TP53BP2: variants seen among roughly 807,000 people sequenced by gnomAD.
TP53BP2 encodes apoptosis-stimulating of p53 protein 2.
In TP53BP2, 62 loss-of-function variants were observed where a neutral mutation model predicts 126.2. The ratio of observed to expected loss-of-function variants is 0.49; its 90% CI spans 0.40 to 0.61. The LOEUF is 0.61. TP53BP2 is among the 20% of genes least tolerant of loss of function. The pLI, the probability that TP53BP2 is intolerant of heterozygous loss-of-function variation, is 0.00. For missense variants in TP53BP2, 1,215 were observed against 1,402.8 expected (o/e 0.87, Z 2.14); for synonymous variants, 485 against 502.9 (o/e 0.96, Z 0.48).
intron 2 of TP53BP2, among the ~76,000 whole-genome samples, chr1:223,814,792 G>C (rs901971362): frequency 2.6e-5 from 4 of 151,328 alleles, no homozygotes; most frequent in African/African-American, 9.7e-5. Flanking sequence ...TTTAATTGTA[G>C]TTTTCAATAC....
At chr1:223,831,048 A>C (rs1663685942) in intron 1 of TP53BP2, among the ~76,000 whole-genome samples, 1 of 151,968 alleles carries the variant, frequency 6.6e-6, no homozygotes, top group Admixed American at 6.6e-5. Flanking sequence ...CAGTGAGCCG[A>C]GATCGCGCCA....
intron 16 of TP53BP2, among the ~76,000 whole-genome samples, chr1:223,787,597 T>A (rs956984762): frequency 2.0e-5 from 3 of 151,282 alleles, no homozygotes; most frequent in Non-Finnish European, 4.4e-5. Context: ...ATTTAAAAGG[T>A]CAGGCATGGT....
intron 12 of TP53BP2, 83 bp downstream of exon 12, chr1:223,798,132 A>C (rs894939308): frequency 1.1e-4 from 138 of 1,283,522 alleles, no homozygotes; most frequent in Non-Finnish European, 1.4e-4. Flanking sequence ...AATAGGGATT[A>C]GTTATTTTGC....
Position 223,798,215 on chromosome 1 carries a change from CACTTGAAA to C in TP53BP2, c.1940_1947del (p.Phe647CysfsTer4). On this transcript the variant is annotated frameshift_variant and splice_region_variant, in exon 12 of 18. Transcript: ENST00000343537. LOFTEE classifies it high-confidence loss of function. ...CACCTATGAACGTTAAGAACCTTAC[CACTTGAAA>C]AGTGTGGCCCTCTGGTATGAGTCTT... 1 of 1,610,474 alleles carries C rather than the reference CACTTGAAA, an allele frequency of 6.2e-7. No homozygotes were observed. Among genetic ancestry groups the C allele is most frequent in the Non-Finnish European group, 8.5e-7 (1 of 1,177,890 alleles).
At chr1:223,840,866 G>T (rs1387423179) in intron 1 of TP53BP2, among the ~76,000 whole-genome samples, 1 of 152,166 alleles carries the variant, frequency 6.6e-6, no homozygotes, top group Non-Finnish European at 1.5e-5. Flanking sequence ...TCTAAATCTG[G>T]TTTCTCTGAA....
intron 1 of TP53BP2, 189 bp from the exon 2 acceptor site, chr1:223,821,556 C>G (rs1445025909): frequency 2.6e-6 from 2 of 765,076 alleles, no homozygotes; most frequent in East Asian, 2.5e-5. Flanking sequence ...CAGCCCCTAC[C>G]ATGGGGCAGT....
Position 223,802,851 on chromosome 1 carries a change from T to C in TP53BP2, c.876A>G (p.Gln292=). 1.2e-6 allele frequency: 2 copies of C among 1,614,182 alleles called. No homozygotes were observed. The highest frequency in any genetic ancestry group is 1.1e-5 in the South Asian group (1 of 91,086). Residue 292 remains glutamine, a synonymous_variant, in exon 8 of 18, where the codon CAA becomes CAG. Transcript: ENST00000343537. ...LNQEQNAKLQ[Q]QRECLNKRNS... is the part of the protein sequence containing the mutation. ...TACGCTTATTCAAACACTCCCTCTG[T>C]TGTTGTAGCTTGGCATTCTGCTCTT...
chr1:223,784,477 G>T (rs183658261), intron 16 of TP53BP2, among the ~76,000 whole-genome samples, 163 bp from the exon 17 acceptor site: 4 of 152,248 alleles, frequency 2.6e-5, no homozygotes, highest in African/African-American at 9.6e-5. Context: ...GGGGTAGCAT[G>T]CAGTGGAAGG....
At chr1:223,822,177 G>T (rs989780281) in intron 1 of TP53BP2, among the ~76,000 whole-genome samples, 2 of 151,874 alleles carry the variant, frequency 1.3e-5, no homozygotes, top group African/African-American at 2.4e-5. Context: ...GCCTCCCAAA[G>T]TGCTGGGATT....
At position 223,804,276 on chromosome 1, in the gene TP53BP2, T is replaced by C. The variant is rs1662637413; in HGVS notation, c.547A>G (p.Lys183Glu). The C allele has an allele frequency of 6.2e-7, 1 of 1,614,208 alleles. No individual in the cohort carries two copies. Among genetic ancestry groups the C allele is most frequent in the Non-Finnish European group, 8.5e-7 (1 of 1,180,036 alleles). ...TTCTCAGCTATTTCTTTTAGCCTTT[T>C]AAGTTTCTCCTGCTCAGCAACTTGT... ...QQQVAEQEKL[K>E]RLKEIAENQE... The change falls in exon 6 of 18, where the codon AAA becomes GAA. Residue 183 changes from lysine (K) to glutamate (E), a missense_variant. Physicochemically the swap from Lys to Glu is moderately conservative, Grantham distance 56. Around this residue, in one of 4 missense-constraint regions of TP53BP2, gnomAD observed 814 missense variants for 853.0 expected, o/e 0.95. Transcript: ENST00000343537.
At position 223,803,291 on chromosome 1, in the gene TP53BP2, G is replaced by A. The variant is rs751721084; in HGVS notation, c.811C>T (p.Arg271Cys). 28 of 1,612,034 alleles carry A rather than the reference G, an allele frequency of 1.7e-5. No individual in the cohort carries two copies. The highest frequency in any genetic ancestry group is 6.7e-5 in the Admixed American group (4 of 59,802). ...DNQSAVAELD[R>C]LYKELQLRNK... Reference sequence around the variant, plus strand: ...TCTACCTGCAGCTCCTTATAGAGGCGATCAAGCTCAGCCACTGCAGACTGA... The same window carrying A: ...TCTACCTGCAGCTCCTTATAGAGGCAATCAAGCTCAGCCACTGCAGACTGA... Residue 271 changes from arginine to cysteine, a missense_variant, in exon 7 of 18, where the codon CGC (arginine) becomes TGC (cysteine). By Grantham distance (180) the Arg-to-Cys change is radical (BLOSUM62 -3). Around this residue, in one of 4 missense-constraint regions of TP53BP2, gnomAD observed 814 missense variants for 853.0 expected, o/e 0.95. Coordinates refer to ENST00000343537, the MANE Select transcript of TP53BP2 (RefSeq NM_001031685.3).
At chr1:223,810,325 G>A (rs1662868403) in intron 4 of TP53BP2, 106 bp downstream of exon 4, 22 of 701,956 alleles carry the variant, frequency 3.1e-5, no homozygotes, top group Non-Finnish European at 3.9e-5. Context: ...TTTAAAAAGC[G>A]GCCATCCTTA....
In TP53BP2 at chr1:223,814,281, C is replaced by A. The variant is rs765308464; in HGVS notation, c.248G>T (p.Arg83Leu). ...QRFGSQRNEV[R>L]FFLRHERPPG... is the part of the protein sequence containing the mutation. ...GGGGCGTTCATGACGAAGGAAGAAG[C>A]GAACTTCGTTCCTCTGACTTCCAAA... The change falls in exon 3 of 18, where the codon CGC becomes CTC. Residue 83 changes from arginine to leucine, a missense_variant. Arg to Leu is a moderately radical substitution (Grantham distance 102). Transcript: ENST00000343537. The A allele has an allele frequency of 3.7e-6, 6 of 1,613,884 alleles. No homozygotes were observed. Among genetic ancestry groups the A allele is most frequent in the Non-Finnish European group, 5.1e-6 (6 of 1,179,790 alleles).
chr1:223,802,302 G>C lies in TP53BP2; in HGVS notation c.1039C>G (p.Pro347Ala), dbSNP rs199623135. Reference protein sequence around the residue: ...GNLPQQAASAPSRVAAVGPYI... With the variant: ...GNLPQQAASAASRVAAVGPYI... ...GGACCTACTGCAGCCACACGGCTTGGGGCTGACGCGGCTTGCTGGGGAAGA... is the reference window on the plus strand; with the variant it reads ...GGACCTACTGCAGCCACACGGCTTGCGGCTGACGCGGCTTGCTGGGGAAGA... The change falls in exon 9 of 18, where the codon CCA becomes GCA. Residue 347 changes from proline (P) to alanine (A), a missense_variant. Pro to Ala is a conservative substitution (Grantham distance 27, BLOSUM62 -1). Around this residue, in one of 4 missense-constraint regions of TP53BP2, gnomAD observed 814 missense variants for 853.0 expected, o/e 0.95. Transcript: ENST00000343537. The C allele has an allele frequency of 6.2e-7, 1 of 1,614,164 alleles. No individual in the cohort carries two copies. The highest frequency in any genetic ancestry group is 1.6e-4 in the Middle Eastern group (1 of 6,062).
At chr1:223,799,417 T>A (rs765347683) in intron 11 of TP53BP2, among the ~76,000 whole-genome samples, 25 of 152,244 alleles carry the variant, frequency 1.6e-4, no homozygotes, top group Non-Finnish European at 3.4e-4. Context: ...TGAAAACTTT[T>A]ACTGTCATCT....
intron 17 of TP53BP2, among the ~76,000 whole-genome samples, chr1:223,783,101 T>A (rs996789700): frequency 6.6e-6 from 1 of 152,190 alleles, no homozygotes; most frequent in Admixed American, 6.5e-5. Flanking sequence ...ATCCTGTTCA[T>A]CACCTAGATG....
At chr1:223,818,780 T>C (rs1663188761) in intron 2 of TP53BP2, among the ~76,000 whole-genome samples, 2 of 151,356 alleles carry the variant, frequency 1.3e-5, no homozygotes, top group East Asian at 2.1e-4. Flanking sequence ...GGTTTCACCA[T>C]GTTGGCCAGG....
rs757165611 is a variant in TP53BP2 at position 223,814,233 on chromosome 1, T to C, written c.289+7A>G. 2 of 1,604,396 alleles carry C rather than the reference T, an allele frequency of 1.2e-6. No homozygotes were observed. The highest frequency in any genetic ancestry group is 1.1e-5 in the South Asian group (1 of 90,868). ...ATATCTGTCACGATTCACAGAGCAC[T>C]ACCTACCAATGTCCCTGCCAGGGGG... On this transcript the variant is annotated splice_region_variant and intron_variant, in intron 3 of 17. Coordinates refer to ENST00000343537, the MANE Select transcript of TP53BP2 (RefSeq NM_001031685.3).
chr1:223,800,594 C>T, intron 10 of TP53BP2, 106 bp downstream of exon 10: 1 of 854,162 alleles, frequency 1.2e-6, no homozygotes, highest in Non-Finnish European at 1.8e-6. Context: ...TTAAAAAAAA[C>T]AAAAAAAGGA....
Sources: allele counts gnomAD v4.1 joint callset (sites outside exome capture counted in the v4.1 genomes callset), GRCh38; gene constraint gnomAD v4.1.1; regional missense constraint gnomAD v4.1.1; transcripts MANE v1.5; gene names NCBI Gene and HGNC (gene_info 2026-07-23, HGNC 2026-07-21).